Variants in ADAMTS2 observed in about 807,000 individuals in gnomAD.
ADAMTS2 encodes the protein ADAM metallopeptidase with thrombospondin type 1 motif 2, also known as A disintegrin and metalloproteinase with thrombospondin motifs 2.
Under a neutral mutation model 123.0 loss-of-function variants are expected in ADAMTS2, and 50 were observed. That is an observed-to-expected ratio of 0.41 (90% CI 0.32 to 0.51). The LOEUF is 0.51. Ranked by LOEUF, ADAMTS2 falls within the 20% of genes least tolerant of loss-of-function variation. ADAMTS2 has a pLI of 0.35. For missense variants in ADAMTS2, 1,494 were observed against 1,705.2 expected (o/e 0.88, Z 2.18); for synonymous variants, 678 against 695.4 (o/e 0.98, Z 0.39).
intron 5 of ADAMTS2, among the ~76,000 whole-genome samples, chr5:179,165,922 G>A (rs911994033): frequency 3.3e-5 from 5 of 152,150 alleles, no homozygotes; most frequent in South Asian, 2.1e-4. Flanking sequence ...CTCAGAGCAC[G>A]GGAACAGATG....
rs1272541338 is a variant in ADAMTS2 at position 179,303,335 on chromosome 5, C to T, written c.535-30271G>A. ...AGTAGGATGGTGTGAGCACGCCTCA[C>T]CTGCATCCCCCACTGCCTGCAGCCA... On this transcript the variant is annotated intron_variant, in intron 2 of 21. Coordinates refer to ENST00000251582, the MANE Select transcript of ADAMTS2 (RefSeq NM_014244.5). The surrounding 1 kb of genome is among the most constrained non-coding windows in gnomAD (Gnocchi z 4.7). Among the ~76,000 whole-genome samples the T allele has an allele frequency of 6.6e-6, 1 of 152,186 alleles. No homozygotes were observed.
rs1208845726 is a variant in ADAMTS2 at position 179,202,667 on chromosome 5, A to G, written c.891+4846T>C. The stretch of plus-strand genomic sequence containing the variant: ...GGGCACCAGACAGAGGAGGATGGCT[A>G]TGCCGAGAATCCACCCCATCTCAGC... On this transcript the variant is annotated intron_variant, in intron 4 of 21. Transcript: ENST00000251582. The surrounding 1 kb of genome is among the most constrained non-coding windows in gnomAD (Gnocchi z 4.0). Among the ~76,000 whole-genome samples the G allele has an allele frequency of 6.7e-6, 1 of 150,314 alleles. No individual in the cohort carries two copies. The highest frequency in any genetic ancestry group is 2.0e-4 in the East Asian group (1 of 4,956).
intron 10 of ADAMTS2, among the ~76,000 whole-genome samples, chr5:179,143,253 G>A (rs375403723): frequency 5.3e-5 from 8 of 152,090 alleles, no homozygotes; most frequent in Non-Finnish European, 1.0e-4. Flanking sequence ...GGCCAACATG[G>A]TGAAACCCTG....
chr5:179,304,891 C>T (rs1202602476), intron 2 of ADAMTS2, among the ~76,000 whole-genome samples: 1 of 151,960 alleles, frequency 6.6e-6, no homozygotes, highest in East Asian at 1.9e-4. Context: ...AACACAATCC[C>T]ACACGTTATA....
chr5:179,209,701 T>C (rs1170061115), intron 3 of ADAMTS2, among the ~76,000 whole-genome samples: 3 of 152,112 alleles, frequency 2.0e-5, no homozygotes, highest in Non-Finnish European at 4.4e-5. Flanking sequence ...AGCAGTCCAC[T>C]TAGCTGCCTG....
intron 3 of ADAMTS2, among the ~76,000 whole-genome samples, chr5:179,254,280 C>T (rs1765994018): frequency 6.6e-6 from 1 of 152,176 alleles, no homozygotes; most frequent in African/African-American, 2.4e-5. Flanking sequence ...AGGACTCCAG[C>T]CAGACCCCAA....
At chr5:179,323,054 G>A (rs1757229391) in intron 2 of ADAMTS2, among the ~76,000 whole-genome samples, 1 of 152,254 alleles carries the variant, frequency 6.6e-6, no homozygotes, top group South Asian at 2.1e-4. Flanking sequence ...AGCCAAGACT[G>A]ACAGTCTCCA....
At chr5:179,284,831 C>A (rs188590497) in intron 2 of ADAMTS2, among the ~76,000 whole-genome samples, 1 of 152,186 alleles carries the variant, frequency 6.6e-6, no homozygotes, top group Non-Finnish European at 1.5e-5. Flanking sequence ...CCGAAGAAGG[C>A]GGCAAGCCCA....
At chr5:179,333,496 G>T (rs140544654) in intron 2 of ADAMTS2, among the ~76,000 whole-genome samples, 1,938 of 152,140 alleles carry the variant, frequency 0.013, 40 homozygotes, top group African/African-American at 0.043. Flanking sequence ...CAGATGCTGT[G>T]CAAAGCTCCT....
chr5:179,276,026 G>A (rs1430746804), intron 2 of ADAMTS2, among the ~76,000 whole-genome samples: 2 of 152,200 alleles, frequency 1.3e-5, no homozygotes, highest in Non-Finnish European at 2.9e-5. Flanking sequence ...CGGAGAAGGA[G>A]GTCAGCAGGG....
chr5:179,266,654 C>A (rs1157288471), intron 3 of ADAMTS2, among the ~76,000 whole-genome samples: 1 of 152,218 alleles, frequency 6.6e-6, no homozygotes, highest in Non-Finnish European at 1.5e-5. Context: ...GGTACAGCAG[C>A]CACAGGAAGC....
Position 179,129,030 on chromosome 5 carries a change from G to A in ADAMTS2, c.2457+902C>T, listed in dbSNP as rs1251006963. ...TTGCTCCCACCTCCGCTGGGAACAC[G>A]TGTGGCAGGCGACTCACACTTCACC... On this transcript the variant is annotated intron_variant, in intron 16 of 21. Coordinates refer to ENST00000251582, the MANE Select transcript of ADAMTS2 (RefSeq NM_014244.5). This position sits in a 1 kb window ranked among gnomAD's most constrained non-coding sequence, Gnocchi z 4.1. Among the ~76,000 whole-genome samples the A allele has an allele frequency of 1.3e-5, 2 of 152,184 alleles. No individual in the cohort carries two copies. Among genetic ancestry groups the A allele is most frequent in the East Asian group, 1.9e-4 (1 of 5,182 alleles).
intron 10 of ADAMTS2, among the ~76,000 whole-genome samples, chr5:179,150,461 C>G (rs1403068678): frequency 6.6e-6 from 1 of 152,242 alleles, no homozygotes; most frequent in African/African-American, 2.4e-5. Flanking sequence ...CGAACAAAAC[C>G]TTATACACAA....
At chr5:179,223,280 TCATA>T (rs1412498364) in intron 3 of ADAMTS2, among the ~76,000 whole-genome samples, 2 of 143,712 alleles carry the variant, frequency 1.4e-5, no homozygotes, top group Non-Finnish European at 3.1e-5. Context: ...ACGAATGCAC[TCATA>T]CACACACACA....
At chr5:179,157,170 G>A (rs1296399693) in intron 6 of ADAMTS2, among the ~76,000 whole-genome samples, 3 of 151,774 alleles carry the variant, frequency 2.0e-5, no homozygotes, top group Admixed American at 6.6e-5. Context: ...GGCTGGTCAC[G>A]AACTCCTGAC....
intron 3 of ADAMTS2, among the ~76,000 whole-genome samples, chr5:179,210,179 C>CA (rs1764817225): frequency 6.6e-6 from 1 of 152,240 alleles, no homozygotes; most frequent in Non-Finnish European, 1.5e-5. Flanking sequence ...CTTGGCTCAC[C>CA]AGGCCACCTG....
Position 179,189,864 on chromosome 5 carries a change from T to A in ADAMTS2, c.892-8709A>T, listed in dbSNP as rs1764265036. On this transcript the variant is annotated intron_variant, in intron 4 of 21. Coordinates refer to ENST00000251582, the MANE Select transcript of ADAMTS2 (RefSeq NM_014244.5). The surrounding 1 kb of genome is among the most constrained non-coding windows in gnomAD (Gnocchi z 4.2). ...AGTATCTTCTCAAGGGTGGGGAGGG[T>A]GTATCATACAAAGTAGATTCACAAG... is the stretch of plus-strand genomic sequence containing the variant. Among the ~76,000 whole-genome samples, 1 of 145,248 alleles carries A rather than the reference T, an allele frequency of 6.9e-6. No individual in the cohort carries two copies. The highest frequency in any genetic ancestry group is 2.6e-5 in the African/African-American group (1 of 38,778).
rs770094463 is a variant in ADAMTS2, at chr5:179,140,799, C to CTTTTTTTTT, written c.1630-773_1630-765dup. 7.3e-4 allele frequency among the ~76,000 whole-genome samples: 66 copies of CTTTTTTTTT among 90,452 alleles called. 3 individuals carry two copies. Among genetic ancestry groups the CTTTTTTTTT allele is most frequent in the Non-Finnish European group, 9.5e-4 (46 of 48,296 alleles). The allele number at this position is 90,452 out of a possible 152,430, so 59.3% of individuals were successfully genotyped here. ...TTTCCTTCAGTTCCGACTGCATGCT[C>CTTTTTTTTT]TTTTTTTTTTTTTTTTTTTGAGACA... On this transcript the variant is annotated intron_variant, in intron 10 of 21. Coordinates refer to ENST00000251582, the MANE Select transcript of ADAMTS2 (RefSeq NM_014244.5).
rs1243894571 is a variant in ADAMTS2 at position 179,272,397 on chromosome 5, G to A, written c.688+514C>T. The stretch of plus-strand genomic sequence containing the variant: ...GCACATGCCTCCAGGGATCCAGAAA[G>A]AGCATGCAGGGCCTTTCTCCCTGAG... On this transcript the variant is annotated intron_variant, in intron 3 of 21. Coordinates refer to ENST00000251582, the MANE Select transcript of ADAMTS2 (RefSeq NM_014244.5). This position sits in a 1 kb window ranked among gnomAD's most constrained non-coding sequence, Gnocchi z 5.8. 1.3e-5 allele frequency among the ~76,000 whole-genome samples: 2 copies of A among 152,198 alleles called. No individual in the cohort carries two copies. Among genetic ancestry groups the A allele is most frequent in the African/African-American group, 4.8e-5 (2 of 41,446 alleles).
Sources: allele counts gnomAD v4.1 joint callset (sites outside exome capture counted in the v4.1 genomes callset), GRCh38; gene constraint gnomAD v4.1.1; non-coding constraint Gnocchi (gnomAD v3.1); transcripts MANE v1.5; gene names NCBI Gene and HGNC (gene_info 2026-07-23, HGNC 2026-07-21).